Variants in SLC22A23 observed in about 807,000 individuals in gnomAD.
SLC22A23 encodes the protein solute carrier family 22 member 23.
Under a neutral mutation model 61.0 loss-of-function variants are expected in SLC22A23, and 26 were observed. That is an observed-to-expected ratio of 0.43 (90% CI 0.31 to 0.59). SLC22A23 has a LOEUF of 0.59. SLC22A23 is among the 20% of genes least tolerant of loss of function. The pLI is 0.11. For missense variants in SLC22A23, 796 were observed against 934.7 expected, an observed-to-expected ratio of 0.85 and a Z score of 1.94; for synonymous variants, 430 against 413.9, an observed-to-expected ratio of 1.04 and a Z score of -0.47.
At chr6:3,396,769 C>T (rs1164177905) in intron 3 of SLC22A23, among the ~76,000 whole-genome samples, 2 of 152,184 alleles carry the variant, frequency 1.3e-5, no homozygotes, top group South Asian at 2.1e-4. Context: ...GCGAGGCTGC[C>T]GAGCAGCCTG....
intron 9 of SLC22A23, among the ~76,000 whole-genome samples, chr6:3,283,062 T>G (rs1446030234): frequency 2.6e-5 from 4 of 152,194 alleles, no homozygotes; most frequent in African/African-American, 9.7e-5. Context: ...CATCCATGTT[T>G]CTTACATGAG....
chr6:3,332,024 G>A (rs768056147), intron 3 of SLC22A23, among the ~76,000 whole-genome samples: 16 of 152,126 alleles, frequency 1.1e-4, no homozygotes, highest in Non-Finnish European at 1.0e-4. Context: ...AAAATCATAC[G>A]CAGTGAGTGA....
In SLC22A23 at chr6:3,344,681, G is replaced by A. The variant is rs543257430; in HGVS notation, c.914-20679C>T. Among the ~76,000 whole-genome samples, 8 of 152,346 alleles carry A rather than the reference G, an allele frequency of 5.3e-5. No homozygotes were observed. The East Asian group carries it at 1.2e-3, about 22-fold the overall frequency. On this transcript the variant is annotated intron_variant, in intron 3 of 9. Coordinates refer to ENST00000406686, the MANE Select transcript of SLC22A23 (RefSeq NM_015482.2). ...TTTTCTGGAGGTAGAAGTGAACAGC[G>A]TGTCTTGAAAGAACCAATTCCAAAC...
chr6:3,412,232 C>A (rs117167650), intron 2 of SLC22A23, among the ~76,000 whole-genome samples: 2 of 152,102 alleles, frequency 1.3e-5, no homozygotes, highest in African/African-American at 4.8e-5. Context: ...TGCTGCCTCC[C>A]GAAAAATGGT....
chr6:3,456,336 A>T lies in SLC22A23; in HGVS notation c.224T>A (p.Leu75His), dbSNP rs1395590308. ...SCCSAAAAPS[L>H]LLLDYDGSVL... is the part of the protein sequence containing the mutation. ...CGACCCGTCATAGTCCAGCAACAAG[A>T]GGCTCGGGGCCGCAGCCGCGGAGCA... The change falls in exon 1 of 10, where the codon CTC (leucine) becomes CAC (histidine). Residue 75 changes from leucine (L) to histidine (H), a missense_variant. Leu to His is a moderately conservative substitution (Grantham distance 99). Coordinates refer to ENST00000406686, the MANE Select transcript of SLC22A23 (RefSeq NM_015482.2). This position sits in a 1 kb window ranked among gnomAD's most constrained non-coding sequence, Gnocchi z 7.1. The T allele has an allele frequency of 7.7e-6, 12 of 1,549,400 alleles. No homozygotes were observed. Among genetic ancestry groups the T allele is most frequent in the Admixed American group, 2.0e-5 (1 of 50,974 alleles).
At chr6:3,382,192 C>G (rs1766995177) in intron 3 of SLC22A23, among the ~76,000 whole-genome samples, 1 of 152,132 alleles carries the variant, frequency 6.6e-6, no homozygotes, top group East Asian at 1.9e-4. Flanking sequence ...ACTCTTAGTC[C>G]TCAGTATGCA....
chr6:3,402,486 G>C (rs1768482218), intron 3 of SLC22A23, among the ~76,000 whole-genome samples: 1 of 151,518 alleles, frequency 6.6e-6, no homozygotes, highest in Admixed American at 6.6e-5. Context: ...ACACTACCCA[G>C]AGTGCACTAG....
chr6:3,361,989 A>G (rs552039833), intron 3 of SLC22A23, among the ~76,000 whole-genome samples: 10 of 152,350 alleles, frequency 6.6e-5, no homozygotes, highest in Admixed American at 1.3e-4. Flanking sequence ...CTGTAGAAAC[A>G]TGGAGGAAAC....
Position 3,456,986 on chromosome 6 carries a change from G to A in SLC22A23, c.-427C>T, listed in dbSNP as rs1378537461. 1.3e-5 allele frequency: 2 copies of A among 151,654 alleles called. No homozygotes were observed. The highest frequency in any genetic ancestry group is 4.8e-5 in the African/African-American group (2 of 41,338). 9.4% of individuals were successfully genotyped at this position (151,654 alleles called of 1,614,324 possible). A position where few individuals can be genotyped will look rare whatever the true frequency, so the allele number is the denominator to read the frequency against. ...GCGGGCAAAGGCTGCTGCTCCCGGG[G>A]TGGCCGCGCTGTATTTCTCCGACTT... On this transcript the variant is annotated 5_prime_UTR_variant, in exon 1 of 10. Transcript: ENST00000406686. The surrounding 1 kb of genome is among the most constrained non-coding windows in gnomAD (Gnocchi z 7.1).
At chr6:3,341,756 G>A (rs114910566) in intron 3 of SLC22A23, among the ~76,000 whole-genome samples, 3,094 of 149,668 alleles carry the variant, frequency 0.021, 118 homozygotes, top group African/African-American at 0.071. Flanking sequence ...TGTTGTGACC[G>A]AAGCTTCCCT....
intron 3 of SLC22A23, among the ~76,000 whole-genome samples, chr6:3,366,174 C>CA (rs1272940999): frequency 6.6e-6 from 1 of 151,042 alleles, no homozygotes; most frequent in African/African-American, 2.4e-5. Flanking sequence ...ACTAAAAATA[C>CA]AAAAAAAATT....
In SLC22A23 at chr6:3,410,155, C is replaced by A. The variant is rs1581839193; in HGVS notation, c.913+33G>T. 6 of 1,582,044 alleles carry A rather than the reference C, an allele frequency of 3.8e-6. No individual in the cohort carries two copies. The East Asian group carries it at 1.4e-4, about 36-fold the overall frequency. On this transcript the variant is annotated intron_variant, in intron 3 of 9. Coordinates refer to ENST00000406686, the MANE Select transcript of SLC22A23 (RefSeq NM_015482.2). The surrounding 1 kb of genome is among the most constrained non-coding windows in gnomAD (Gnocchi z 5.0). ...CAGGCAACAATACTTTTGCTAAATTCTTTCAAGACTAGTCGTGAAGGCTCC... is the reference window on the plus strand; with the variant it reads ...CAGGCAACAATACTTTTGCTAAATTATTTCAAGACTAGTCGTGAAGGCTCC...
chr6:3,293,092 G>A (rs1015659168), intron 5 of SLC22A23, among the ~76,000 whole-genome samples: 2 of 152,228 alleles, frequency 1.3e-5, no homozygotes, highest in South Asian at 2.1e-4. Context: ...GAAAACACAC[G>A]CAGAGGAGAA....
At position 3,414,706 on chromosome 6, in the gene SLC22A23, G is replaced by A. The variant is rs1769545457; in HGVS notation, c.758+1046C>T. On this transcript the variant is annotated intron_variant, in intron 2 of 9. Transcript: ENST00000406686. The surrounding 1 kb of genome is among the most constrained non-coding windows in gnomAD (Gnocchi z 5.1). ...TGGGCCCTTATTTCCTCAAGGCCAA[G>A]ATGTCTCGATTCACCAAAAAAAAAA... Among the ~76,000 whole-genome samples, 1 of 110,852 alleles carries A rather than the reference G, an allele frequency of 9.0e-6. No individual in the cohort carries two copies. Among genetic ancestry groups the A allele is most frequent in the Non-Finnish European group, 1.7e-5 (1 of 59,114 alleles). The allele number at this position is 110,852 out of a possible 152,430, so 72.7% of individuals were successfully genotyped here. A position where few individuals can be genotyped will look rare whatever the true frequency, so the allele number is the denominator to read the frequency against.
intron 3 of SLC22A23, among the ~76,000 whole-genome samples, chr6:3,326,098 C>G (rs1345848067): frequency 6.6e-6 from 1 of 152,238 alleles, no homozygotes; most frequent in African/African-American, 2.4e-5. Context: ...AGGCCACTTC[C>G]CAGACCAGGT....
rs1011647982 is a variant in SLC22A23 at position 3,386,205 on chromosome 6, A to T, written c.913+23983T>A. Reference sequence around the variant, plus strand: ...ATCTGGGTTGACATTAGCTGGGAGCATCACAGGGAAGCCAGTGTGCCCTGA... The same window carrying T: ...ATCTGGGTTGACATTAGCTGGGAGCTTCACAGGGAAGCCAGTGTGCCCTGA... On this transcript the variant is annotated intron_variant, in intron 3 of 9. Transcript: ENST00000406686. The surrounding 1 kb of genome is among the most constrained non-coding windows in gnomAD (Gnocchi z 4.4). Among the ~76,000 whole-genome samples the T allele has an allele frequency of 6.6e-6, 1 of 152,156 alleles. No individual in the cohort carries two copies. Among genetic ancestry groups the T allele is most frequent in the Non-Finnish European group, 1.5e-5 (1 of 68,014 alleles).
At chr6:3,412,483 A>G (rs1162097904) in intron 2 of SLC22A23, among the ~76,000 whole-genome samples, 1 of 152,200 alleles carries the variant, frequency 6.6e-6, no homozygotes, top group Admixed American at 6.5e-5. Flanking sequence ...AATACATGTT[A>G]GTTACAAGCA....
At chr6:3,305,110 CTG>C (rs1273475451) in intron 4 of SLC22A23, among the ~76,000 whole-genome samples, 1 of 152,208 alleles carries the variant, frequency 6.6e-6, no homozygotes, top group Non-Finnish European at 1.5e-5. Context: ...CCAACAGACA[CTG>C]TCCCACCAGT....
chr6:3,284,197 A>G (rs970477643), intron 8 of SLC22A23: 2 of 437,276 alleles, frequency 4.6e-6, no homozygotes, highest in Middle Eastern at 6.2e-4. Context: ...TGCGTCAAGC[A>G]TGCTGAAGCT....
Sources: gnomAD v4.1 joint callset for allele counts (sites outside exome capture counted in the v4.1 genomes callset) on GRCh38, gnomAD v4.1.1 for gene constraint, Gnocchi (gnomAD v3.1) non-coding constraint, MANE v1.5 for transcripts, NCBI Gene and HGNC (gene_info 2026-07-23, HGNC 2026-07-21) for gene names.